Variants in FBXO27 observed in about 807,000 individuals in gnomAD.
The protein encoded by FBXO27 is F-box only protein 27.
In FBXO27, 28 loss-of-function variants were observed where a neutral mutation model predicts 28.3. The observed-to-expected ratio is 0.99, with a 90% CI of 0.73 to 1.36. FBXO27 has a LOEUF of 1.36. FBXO27 is among the 40% of genes most tolerant of loss of function. The pLI, the probability that FBXO27 is intolerant of heterozygous loss-of-function variation, is 0.00. For missense variants in FBXO27, 388 were observed against 394.1 expected (o/e 0.98, Z 0.13); for synonymous variants, 175 against 167.3 (o/e 1.05, Z -0.36).
chr19:39,021,231 GGAA>G (rs1177083669), downstream of FBXO27, among the ~76,000 whole-genome samples: 1 of 152,148 alleles, frequency 6.6e-6, no homozygotes, highest in Non-Finnish European at 1.5e-5. Flanking sequence ...AGCAAACCGT[GGAA>G]GAAGTTTTGG....
chr19:39,028,559 A>G (rs76295140), intron 4 of FBXO27, among the ~76,000 whole-genome samples: 18,276 of 150,912 alleles, frequency 0.12, 1,239 homozygotes, highest in African/African-American at 0.16. Context: ...ACATGGCAAA[A>G]CCCCGTCTCT....
At chr19:39,014,298 C>G in intron 2 of FBXO27, 1 of 152,264 alleles carries the variant, frequency 6.6e-6, no homozygotes, top group East Asian at 1.9e-4. Flanking sequence ...AGTGGCTGTT[C>G]TTTGGCAGCA....
At chr19:39,012,112 C>T (rs889080534) in intron 2 of FBXO27, among the ~76,000 whole-genome samples, 1 of 151,120 alleles carries the variant, frequency 6.6e-6, no homozygotes, top group Non-Finnish European at 1.5e-5. Context: ...GGATTACAGG[C>T]GTGAGCCACC....
At chr19:39,020,337 C>T (rs2072839353), downstream of FBXO27, among the ~76,000 whole-genome samples, 1 of 152,034 alleles carries the variant, frequency 6.6e-6, no homozygotes, top group Admixed American at 6.6e-5. Context: ...GACGCTTTGT[C>T]CTTGAAGTTA....
rs1229604165 is a variant in FBXO27, at chr19:39,032,537, C to G, written c.-61G>C. On this transcript the variant is annotated 5_prime_UTR_variant, in exon 1 of 6. Transcript: ENST00000292853. This position sits in a 1 kb window ranked among gnomAD's most constrained non-coding sequence, Gnocchi z 4.7. Reference sequence around the variant, plus strand: ...TGGCGGCGCTCCTCGCCGGGATGCCCTAGCTGTGCCGCAAGCTCCCCACGC... The same window carrying G: ...TGGCGGCGCTCCTCGCCGGGATGCCGTAGCTGTGCCGCAAGCTCCCCACGC... 6 of 329,452 alleles carry G rather than the reference C, an allele frequency of 1.8e-5. No individual in the cohort carries two copies. The highest frequency in any genetic ancestry group is 2.8e-5 in the Non-Finnish European group (5 of 180,842). 20.4% of individuals were successfully genotyped at this position (329,452 alleles called of 1,614,324 possible).
intron 2 of FBXO27, among the ~76,000 whole-genome samples, chr19:39,007,684 C>G (rs2144878163): frequency 6.6e-6 from 1 of 152,204 alleles, no homozygotes; most frequent in Non-Finnish European, 1.5e-5. Flanking sequence ...TCTCTGTCAC[C>G]CAGGCTGGAG....
At chr19:39,023,275 A>G (rs1168203235), downstream of FBXO27, among the ~76,000 whole-genome samples, 1 of 152,184 alleles carries the variant, frequency 6.6e-6, no homozygotes, top group Non-Finnish European at 1.5e-5. Context: ...GAATCCACAG[A>G]TGCAGAAGCT....
chr19:39,031,487 C>G (rs2072903315), intron 2 of FBXO27, 167 bp from the exon 3 acceptor site: 6 of 650,154 alleles, frequency 9.2e-6, no homozygotes, highest in South Asian at 1.9e-5. Flanking sequence ...GGGCAAAGCC[C>G]CGCTCCTCTG....
chr19:39,022,948 C>A (rs1157768927), downstream of FBXO27, among the ~76,000 whole-genome samples: 1 of 152,098 alleles, frequency 6.6e-6, no homozygotes, highest in Non-Finnish European at 1.5e-5. Context: ...CAGGTGCCCA[C>A]CACCATGCCT....
intron 2 of FBXO27, among the ~76,000 whole-genome samples, chr19:39,007,974 G>GT (rs2144878413): frequency 6.6e-6 from 1 of 152,158 alleles, no homozygotes; most frequent in South Asian, 2.1e-4. Context: ...ATTTAAAAAT[G>GT]TTTTATTGGC....
chr19:39,020,542 T>C (rs1250964861), downstream of FBXO27, among the ~76,000 whole-genome samples: 1 of 151,812 alleles, frequency 6.6e-6, no homozygotes, highest in African/African-American at 2.4e-5. Context: ...CTGTCAACAC[T>C]ATGGAAGAAA....
In FBXO27 at chr19:39,025,569, G is replaced by A. The variant is rs758544736; in HGVS notation, c.709-15C>T. 6.2e-7 allele frequency: 1 copy of A among 1,609,022 alleles called. No homozygotes were observed. The highest frequency in any genetic ancestry group is 1.7e-5 in the Admixed American group (1 of 59,674). ...ACGTGGGTGACCTGTAGGCAGAGGAGGGGCTCAGCTCCATTGTGCCACAGC... is the reference window on the plus strand; with the variant it reads ...ACGTGGGTGACCTGTAGGCAGAGGAAGGGCTCAGCTCCATTGTGCCACAGC... On this transcript the variant is annotated splice_polypyrimidine_tract_variant and intron_variant, in intron 5 of 5. Coordinates refer to ENST00000292853, the MANE Select transcript of FBXO27 (RefSeq NM_178820.5).
At chr19:39,031,404 C>T in intron 2 of FBXO27, 84 bp from the exon 3 acceptor site, 2 of 1,268,646 alleles carry the variant, frequency 1.6e-6, no homozygotes, top group South Asian at 1.3e-5. Context: ...GCCCCTCCCA[C>T]GTGCTCACAG....
chr19:39,032,493 C>G lies in FBXO27; in HGVS notation c.-27+10G>C. On this transcript the variant is annotated intron_variant, in intron 1 of 5. Coordinates refer to ENST00000292853, the MANE Select transcript of FBXO27 (RefSeq NM_178820.5). The surrounding 1 kb of genome is among the most constrained non-coding windows in gnomAD (Gnocchi z 4.7). ...CGGCGGCCGCACCGACACCGCACCC[C>G]AAGTCCTACCCCGGGGCCTGGCGGC... 2.3e-6 allele frequency: 1 copy of G among 439,512 alleles called. No individual in the cohort carries two copies. Among genetic ancestry groups the G allele is most frequent in the Non-Finnish European group, 3.9e-6 (1 of 255,104 alleles). 27.2% of individuals were successfully genotyped at this position (439,512 alleles called of 1,614,324 possible). A position where few individuals can be genotyped will look rare whatever the true frequency, so the allele number is the denominator to read the frequency against.
At chr19:39,007,376 G>A (rs574453873) in intron 2 of FBXO27, among the ~76,000 whole-genome samples, 17 of 152,208 alleles carry the variant, frequency 1.1e-4, no homozygotes, top group Admixed American at 3.3e-4. Flanking sequence ...GCGTTCTGGT[G>A]GAATATCCAG....
chr19:39,031,064 CA>C lies in FBXO27; in HGVS notation c.536del (p.Leu179ArgfsTer31), dbSNP rs1245540251. ...LEEEGLWPEL[L>X]DSGRIEICVS... Reference sequence around the variant, plus strand: ...CACAAATCTCAATCCTGCCACTATCCAGCAGTTCTGGCCACAGACCCTCCTC... The same window carrying C: ...CACAAATCTCAATCCTGCCACTATCCGCAGTTCTGGCCACAGACCCTCCTC... On this transcript the variant is annotated frameshift_variant, in exon 4 of 6. Coordinates refer to ENST00000292853, the MANE Select transcript of FBXO27 (RefSeq NM_178820.5). LOFTEE classifies it high-confidence loss of function. 3 of 1,614,140 alleles carry C rather than the reference CA, an allele frequency of 1.9e-6. No homozygotes were observed. In the Admixed American group the frequency reaches 5.0e-5, roughly 27 times the overall value.
Position 39,027,429 on chromosome 19 carries a change from T to C in FBXO27, c.573-424A>G, listed in dbSNP as rs116904477. 2.0e-4 allele frequency among the ~76,000 whole-genome samples: 31 copies of C among 152,206 alleles called. No homozygotes were observed. The East Asian group carries it at 3.7e-3, about 18-fold the overall frequency. ...CCGAGGCTCAAGTGAACTCCCTTGGTCAACAAAATTCCATGCATCTTGTCA... is the reference window on the plus strand; with the variant it reads ...CCGAGGCTCAAGTGAACTCCCTTGGCCAACAAAATTCCATGCATCTTGTCA... On this transcript the variant is annotated intron_variant, in intron 4 of 5. Coordinates refer to ENST00000292853, the MANE Select transcript of FBXO27 (RefSeq NM_178820.5).
chr19:39,025,023 CAA>C lies in FBXO27; in HGVS notation c.*386_*387del, dbSNP rs2072864470. On this transcript the variant is annotated 3_prime_UTR_variant, in exon 6 of 6. Coordinates refer to ENST00000292853, the MANE Select transcript of FBXO27 (RefSeq NM_178820.5). ...TCCCTGTGGCAGAAACAACAGGAGA[CAA>C]GAGGTCAGTGGTGCGGAGGGGAGGG... 2 of 175,640 alleles carry C rather than the reference CAA, an allele frequency of 1.1e-5. No homozygotes were observed. Among genetic ancestry groups the C allele is most frequent in the Non-Finnish European group, 2.4e-5 (2 of 82,314 alleles). 10.9% of individuals were successfully genotyped at this position (175,640 alleles called of 1,614,324 possible).
chr19:39,027,566 G>T (rs1313050746), intron 4 of FBXO27, among the ~76,000 whole-genome samples: 1 of 152,178 alleles, frequency 6.6e-6, no homozygotes, highest in Non-Finnish European at 1.5e-5. Flanking sequence ...TTTCTTGGCT[G>T]ATTTTAATCT....
Sources: gnomAD v4.1 joint callset for allele counts (sites outside exome capture counted in the v4.1 genomes callset) on GRCh38, gnomAD v4.1.1 for gene constraint, Gnocchi (gnomAD v3.1) non-coding constraint, MANE v1.5 for transcripts, NCBI Gene and HGNC (gene_info 2026-07-23, HGNC 2026-07-21) for gene names.